ZMYND8: variants seen among roughly 807,000 people sequenced by gnomAD.
ZMYND8 encodes MYND-type zinc finger-containing chromatin reader ZMYND8.
A neutral mutation model predicts 140.8 loss-of-function variants in ZMYND8; 37 were observed. The ratio of observed to expected loss-of-function variants is 0.26; its 90% CI spans 0.20 to 0.35. The LOEUF (loss-of-function observed/expected upper bound fraction) is 0.35. Ranked by LOEUF, ZMYND8 falls within the 10% of genes least tolerant of loss-of-function variation. The pLI, the probability that ZMYND8 is intolerant of heterozygous loss-of-function variation, is 1.00. For synonymous variants in ZMYND8, 592 were observed against 597.1 expected (o/e 0.99, Z 0.12); for missense variants, 1,068 against 1,570.0 (o/e 0.68, Z 5.40).
rs539888012 is a variant in ZMYND8 at position 47,216,100 on chromosome 20, C to T, written c.3485-3375G>A. Among the ~76,000 whole-genome samples, 157 of 152,234 alleles carry T rather than the reference C, an allele frequency of 1.0e-3. 6 individuals are homozygous for T. In the South Asian group the frequency reaches 0.031, roughly 31 times the overall value. On this transcript the variant is annotated intron_variant, in intron 21 of 22. Coordinates refer to ENST00000471951, the MANE Select transcript of ZMYND8 (RefSeq NM_001281775.3). The stretch of plus-strand genomic sequence containing the variant: ...AGCCCTGAGCGCCCAGGGATGGTGA[C>T]GCAGGGAGAGATGCAGGGAGGTCCA...
At chr20:47,271,207 C>A (rs1041494216) in intron 11 of ZMYND8, among the ~76,000 whole-genome samples, 1 of 152,218 alleles carries the variant, frequency 6.6e-6, no homozygotes, top group Non-Finnish European at 1.5e-5. Context: ...AGCTCAGCGT[C>A]TTGGGAGCTC....
rs1015480656 is a variant in ZMYND8 at position 47,249,557 on chromosome 20, CTTTT to C, written c.1622-122_1622-119del. The C allele has an allele frequency of 2.1e-3, 2,930 of 1,384,462 alleles. 5 individuals carry two copies. The highest frequency in any genetic ancestry group is 2.3e-3 in the Non-Finnish European group (2,371 of 1,027,080). The allele number at this position is 1,384,462 out of a possible 1,614,324, so 85.8% of individuals were successfully genotyped here. ...TTAGAACATGGGGGAGGGGGAGATA[CTTTT>C]TTTGTCATTCATCCCAACAATATCA... is the stretch of plus-strand genomic sequence containing the variant. On this transcript the variant is annotated intron_variant, in intron 12 of 22. Transcript: ENST00000471951.
intron 6 of ZMYND8, among the ~76,000 whole-genome samples, chr20:47,290,917 A>G (rs999939011): frequency 6.6e-6 from 1 of 152,188 alleles, no homozygotes; most frequent in Admixed American, 6.5e-5. Context: ...ATATTTATAC[A>G]TTATTTATTA....
chr20:47,349,815 G>C, intron 1 of ZMYND8: 1 of 1,534,288 alleles, frequency 6.5e-7, no homozygotes, highest in East Asian at 2.4e-5. Context: ...GAAATCTACA[G>C]TGGTGAGGGA....
At chr20:47,352,715 G>A (rs1045734135) in intron 1 of ZMYND8, 1 of 224,926 alleles carries the variant, frequency 4.4e-6, no homozygotes, top group African/African-American at 2.3e-5. Context: ...CCAGGGCAAG[G>A]ACGGGCCACT....
intron 2 of ZMYND8, among the ~76,000 whole-genome samples, chr20:47,315,746 C>T (rs575492045): frequency 5.9e-5 from 9 of 152,302 alleles, no homozygotes; most frequent in Middle Eastern, 3.4e-3. Context: ...GTCGACTGAA[C>T]CACTGGTTCA....
At chr20:47,339,626 G>A (rs1354926814) in intron 2 of ZMYND8, among the ~76,000 whole-genome samples, 3 of 151,558 alleles carry the variant, frequency 2.0e-5, no homozygotes, top group Non-Finnish European at 4.4e-5. Context: ...ACAGGCACCC[G>A]CGACCACGCC....
At chr20:47,290,633 C>A (rs1265214544) in intron 6 of ZMYND8, among the ~76,000 whole-genome samples, 1 of 138,614 alleles carries the variant, frequency 7.2e-6, no homozygotes, top group Admixed American at 7.5e-5. Flanking sequence ...CTCTTATTGC[C>A]CAGGTTGGAG....
intron 2 of ZMYND8, among the ~76,000 whole-genome samples, chr20:47,328,048 G>T (rs968984421): frequency 2.6e-5 from 4 of 152,122 alleles, no homozygotes; most frequent in Non-Finnish European, 5.9e-5. Context: ...CCGGGCTCCA[G>T]TAAGTCTCCT....
chr20:47,220,523 C>T (rs2146918232), intron 20 of ZMYND8, among the ~76,000 whole-genome samples, 199 bp from the exon 21 acceptor site: 1 of 152,346 alleles, frequency 6.6e-6, no homozygotes, highest in Non-Finnish European at 1.5e-5. Flanking sequence ...CCACACTGAA[C>T]AGACTGGAAC....
intron 5 of ZMYND8, 99 bp from the exon 6 acceptor site, chr20:47,291,987 C>T: frequency 1.9e-6 from 2 of 1,046,704 alleles, no homozygotes; most frequent in Non-Finnish European, 2.7e-6. Flanking sequence ...GACAACTTTT[C>T]AGACAATATA....
chr20:47,333,551 C>T (rs1246030524), intron 2 of ZMYND8, among the ~76,000 whole-genome samples: 1 of 151,908 alleles, frequency 6.6e-6, no homozygotes, highest in Non-Finnish European at 1.5e-5. Context: ...CATGGTGAAA[C>T]CTCGTCTCTA....
intron 12 of ZMYND8, among the ~76,000 whole-genome samples, chr20:47,254,793 C>G (rs73304012): frequency 0.029 from 4,365 of 152,184 alleles, 140 homozygotes; most frequent in African/African-American, 0.08. Context: ...GCCTCTACCC[C>G]CTAGATGCTA....
At chr20:47,259,117 A>AG (rs1286398143) in intron 12 of ZMYND8, among the ~76,000 whole-genome samples, 2 of 152,230 alleles carry the variant, frequency 1.3e-5, no homozygotes, top group East Asian at 3.9e-4. Context: ...ATGACCACCC[A>AG]GTTTCAGCAA....
At chr20:47,253,363 GC>G (rs964366011) in intron 12 of ZMYND8, among the ~76,000 whole-genome samples, 3 of 151,730 alleles carry the variant, frequency 2.0e-5, no homozygotes, top group African/African-American at 7.3e-5. Flanking sequence ...ATGGTGAAAT[GC>G]CATCTCTACT....
At chr20:47,311,113 G>T (rs1460676212) in intron 2 of ZMYND8, among the ~76,000 whole-genome samples, 1 of 152,210 alleles carries the variant, frequency 6.6e-6, no homozygotes, top group African/African-American at 2.4e-5. Context: ...ATTTATTCGT[G>T]TTTAATAGGC....
chr20:47,244,246 GCA>G (rs2040279912), intron 14 of ZMYND8, among the ~76,000 whole-genome samples: 1 of 152,200 alleles, frequency 6.6e-6, no homozygotes. Context: ...TAGAAGTTAG[GCA>G]CAGTCAAGAT....
chr20:47,278,828 C>T (rs1398677138), intron 10 of ZMYND8, among the ~76,000 whole-genome samples: 2 of 152,082 alleles, frequency 1.3e-5, no homozygotes, highest in East Asian at 3.9e-4. Context: ...TGAGATTCTG[C>T]GTTCAAAGTG....
intron 14 of ZMYND8, 55 bp downstream of exon 14, chr20:47,245,953 C>A (rs933051518): frequency 6.5e-7 from 1 of 1,529,756 alleles, no homozygotes; most frequent in Non-Finnish European, 8.7e-7. Flanking sequence ...AGTAAGTGTA[C>A]GAGGTAGGAT....
Sources: gnomAD v4.1 joint callset for allele counts (sites outside exome capture counted in the v4.1 genomes callset) on GRCh38, gnomAD v4.1.1 for gene constraint, MANE v1.5 for transcripts, NCBI Gene and HGNC (gene_info 2026-07-23, HGNC 2026-07-21) for gene names.